Variants in PRKACB observed in about 807,000 individuals in gnomAD.
PRKACB encodes the protein protein kinase cAMP-activated catalytic subunit beta, also known as cAMP-dependent protein kinase catalytic subunit beta.
PRKACB carries 16 observed loss-of-function variants against 51.4 expected under a neutral mutation model. The ratio of observed to expected loss-of-function variants is 0.31; its 90% CI spans 0.21 to 0.47. PRKACB has a LOEUF of 0.47. Ranked by LOEUF, PRKACB falls within the 20% of genes least tolerant of loss-of-function variation. The pLI is 1.00. For synonymous variants in PRKACB, 147 were observed against 154.4 expected (o/e 0.95, Z 0.35); for missense variants, 309 against 464.5 (o/e 0.67, Z 3.08).
chr1:84,180,179 CTGTGATATATATATATATATATATATATA>C (rs1458389513), intron 2 of PRKACB, among the ~76,000 whole-genome samples: 1 of 6,812 alleles, frequency 1.5e-4, no homozygotes, highest in African/African-American at 2.4e-4. Flanking sequence ...GATAAAGAAA[CTGTGATATATATATATATATATATATATA>C]TGTATGATGG....
At chr1:84,137,459 T>C (rs1430946385) in intron 1 of PRKACB, among the ~76,000 whole-genome samples, 1 of 152,176 alleles carries the variant, frequency 6.6e-6, no homozygotes, top group Admixed American at 6.5e-5. Context: ...TTTGTCCAAA[T>C]CCACAGCACT....
chr1:84,197,153 G>A (rs1668460161), intron 6 of PRKACB, among the ~76,000 whole-genome samples: 1 of 152,130 alleles, frequency 6.6e-6, no homozygotes, highest in Admixed American at 6.5e-5. Context: ...AAATGGTAGA[G>A]TCAGAATTTG....
At position 84,175,441 on chromosome 1, in the gene PRKACB, T is replaced by G. The variant is rs138680986; in HGVS notation, c.188-3736T>G. On this transcript the variant is annotated intron_variant, in intron 1 of 9. Transcript: ENST00000370685. ...GTATACTGTGACTAACAACATACTC[T>G]TTTTATCATAAGCAGTAACCTAGTT... Among the ~76,000 whole-genome samples, 689 of 151,848 alleles carry G rather than the reference T, an allele frequency of 4.5e-3. 3 individuals are homozygous for G. The highest frequency in any genetic ancestry group is 0.01 in the South Asian group (49 of 4,828).
chr1:84,231,305 C>T (rs2101697032), intron 9 of PRKACB, among the ~76,000 whole-genome samples: 1 of 152,278 alleles, frequency 6.6e-6, no homozygotes, highest in East Asian at 1.9e-4. Context: ...TTTGGATGTG[C>T]TGCTGGATTT....
At chr1:84,169,028 C>A (rs1211150692) in intron 1 of PRKACB, among the ~76,000 whole-genome samples, 1 of 151,546 alleles carries the variant, frequency 6.6e-6, no homozygotes, top group Non-Finnish European at 1.5e-5. Flanking sequence ...CTAACAGCAT[C>A]TAAACAGGAA....
chr1:84,140,146 T>C (rs1030261344), upstream of PRKACB, among the ~76,000 whole-genome samples: 16 of 152,186 alleles, frequency 1.1e-4, no homozygotes, highest in Non-Finnish European at 2.1e-4. Flanking sequence ...CAGTATAGTA[T>C]TGGTGAAAGA....
intron 1 of PRKACB, among the ~76,000 whole-genome samples, chr1:84,136,748 C>T (rs1652865871): frequency 6.6e-6 from 1 of 152,166 alleles, no homozygotes; most frequent in African/African-American, 2.4e-5. Context: ...ATTATAGCTT[C>T]CTTCATAATT....
intron 1 of PRKACB, among the ~76,000 whole-genome samples, chr1:84,114,766 A>G (rs188132978): frequency 7.2e-5 from 11 of 152,270 alleles, no homozygotes; most frequent in African/African-American, 2.6e-4. Context: ...TTTAGCTCCC[A>G]CATATAAATG....
rs971308135 is a variant in PRKACB at position 84,125,724 on chromosome 1, G to A, written c.46+47353G>A. ...ATACAACCAGAAGTATAAACTAGTT[G>A]TTAACAGATATGCATATGATTAAAA... On this transcript the variant is annotated intron_variant, in intron 1 of 8. Coordinates refer to the PRKACB transcript ENST00000370688. Among the ~76,000 whole-genome samples the A allele has an allele frequency of 1.1e-4, 16 of 152,302 alleles. No individual in the cohort carries two copies. The South Asian group carries it at 3.3e-3, about 32-fold the overall frequency.
intron 1 of PRKACB, among the ~76,000 whole-genome samples, chr1:84,116,985 T>C (rs1289451398): frequency 1.3e-5 from 2 of 152,120 alleles, no homozygotes; most frequent in African/African-American, 4.8e-5. Context: ...TTTTGAGATA[T>C]GTTCCTTTTA....
At chr1:84,223,659 A>G (rs189888991) in intron 9 of PRKACB, among the ~76,000 whole-genome samples, 4 of 152,046 alleles carry the variant, frequency 2.6e-5, no homozygotes, top group African/African-American at 7.2e-5. Flanking sequence ...GTGAGCCACC[A>G]TGCCCGGCCT....
intron 9 of PRKACB, among the ~76,000 whole-genome samples, chr1:84,229,237 C>T (rs1266150341): frequency 2.2e-5 from 3 of 135,792 alleles, no homozygotes; most frequent in Admixed American, 7.5e-5. Flanking sequence ...CAATTTCATC[C>T]ATGTCCCTAC....
intron 8 of PRKACB, among the ~76,000 whole-genome samples, chr1:84,207,908 A>C (rs775638064): frequency 5.3e-5 from 8 of 151,836 alleles, no homozygotes; most frequent in Non-Finnish European, 8.8e-5. Context: ...TGCTCTGTTG[A>C]CCAGGCTGAA....
intron 1 of PRKACB, among the ~76,000 whole-genome samples, chr1:84,128,357 G>C (rs1225375080): frequency 6.6e-6 from 1 of 152,016 alleles, no homozygotes; most frequent in Non-Finnish European, 1.5e-5. Context: ...ATATTGTCTT[G>C]ATTTCACTGG....
chr1:84,094,028 A>G (rs917860377), intron 1 of PRKACB, among the ~76,000 whole-genome samples: 1 of 152,004 alleles, frequency 6.6e-6, no homozygotes, highest in Non-Finnish European at 1.5e-5. Context: ...CATATACACA[A>G]ATCACTTTTT....
chr1:84,121,200 T>G (rs573819394), intron 1 of PRKACB, among the ~76,000 whole-genome samples: 1 of 152,200 alleles, frequency 6.6e-6, no homozygotes, highest in South Asian at 2.1e-4. Flanking sequence ...TGATTTAGTG[T>G]ATTTGTTACA....
At chr1:84,204,497 C>A in intron 8 of PRKACB, 1 of 1,600,488 alleles carries the variant, frequency 6.2e-7, no homozygotes. Flanking sequence ...TTGATATGAA[C>A]AAAACAAAAC....
chr1:84,233,231 G>A (rs1676041571), intron 9 of PRKACB, among the ~76,000 whole-genome samples: 1 of 152,088 alleles, frequency 6.6e-6, no homozygotes, highest in Non-Finnish European at 1.5e-5. Flanking sequence ...TAAGAATGTT[G>A]AATATTGGCA....
intron 1 of PRKACB, among the ~76,000 whole-genome samples, chr1:84,081,287 A>G (rs1173399235): frequency 6.6e-6 from 1 of 152,130 alleles, no homozygotes. Context: ...TTTTCCCTCT[A>G]TTAGAATTAA....
Sources: gnomAD v4.1 joint callset for allele counts (sites outside exome capture counted in the v4.1 genomes callset) on GRCh38, gnomAD v4.1.1 for gene constraint, MANE v1.5 for transcripts, NCBI Gene and HGNC (gene_info 2026-07-23, HGNC 2026-07-21) for gene names.